Variants in PIK3CA observed in about 807,000 individuals in gnomAD.
PIK3CA encodes phosphatidylinositol 4,5-bisphosphate 3-kinase catalytic subunit alpha isoform.
PIK3CA carries 27 observed loss-of-function variants against 138.2 expected under a neutral mutation model. That is an observed-to-expected ratio of 0.20 (90% confidence interval 0.14 to 0.27). PIK3CA has a LOEUF of 0.27. PIK3CA is among the 10% of genes least tolerant of loss of function. The pLI, the probability that PIK3CA is intolerant of heterozygous loss-of-function variation, is 1.00. For synonymous variants in PIK3CA, 358 were observed against 413.2 expected (o/e 0.87, Z 1.62); for missense variants, 544 against 1,277.4 (o/e 0.43, Z 8.75).
chr3:179,225,913 A>C (rs764277338), intron 16 of PIK3CA, 49 bp from the exon 17 acceptor site: 1 of 938,068 alleles, frequency 1.1e-6, no homozygotes, highest in South Asian at 1.4e-5. Flanking sequence ...GTGATCCCCA[A>C]ATTTGCATCT....
rs1466676347 is a variant in PIK3CA at position 179,178,430 on chromosome 3, T to G, written c.-76-20320T>G. 4.6e-5 allele frequency among the ~76,000 whole-genome samples: 7 copies of G among 151,966 alleles called. 1 individual carries two copies. In the East Asian group the frequency reaches 9.7e-4, roughly 21 times the overall value. On this transcript the variant is annotated intron_variant, in intron 1 of 20. Coordinates refer to ENST00000263967, the MANE Select transcript of PIK3CA (RefSeq NM_006218.4). ...TTATTAGTCATCAGTAAATGCAAAT[T>G]AAAACCATGATAAGATACCACTACA...
chr3:179,208,782 A>G (rs1471444939), intron 6 of PIK3CA, among the ~76,000 whole-genome samples: 1 of 151,754 alleles, frequency 6.6e-6, no homozygotes, highest in Non-Finnish European at 1.5e-5. Flanking sequence ...GTGAAGTTTC[A>G]TTACCTTTTA....
At chr3:179,197,457 T>A (rs1724295507) in intron 1 of PIK3CA, among the ~76,000 whole-genome samples, 1 of 152,250 alleles carries the variant, frequency 6.6e-6, no homozygotes, top group South Asian at 2.1e-4. Context: ...GCATTTATTC[T>A]GTTTTGTAAG....
chr3:179,201,365 A>C lies in PIK3CA; in HGVS notation c.638A>C (p.His213Pro). 6.2e-7 allele frequency: 1 copy of C among 1,613,704 alleles called. No individual in the cohort carries two copies. Among genetic ancestry groups the C allele is most frequent in the Non-Finnish European group, 8.5e-7 (1 of 1,179,740 alleles). The change falls in exon 4 of 21, where the codon CAT becomes CCT. Residue 213 changes from histidine (H) to proline (P), a missense_variant. His to Pro is a moderately conservative substitution (Grantham distance 77). Transcript: ENST00000263967. ...CAGAAGTATACTCTGAAAATCAACC[A>C]TGACTGTGTACCAGAACAAGTAATT... Reference protein sequence around the residue: ...DKQKYTLKINHDCVPEQVIAE... With the variant: ...DKQKYTLKINPDCVPEQVIAE...
rs957327249 is a variant in PIK3CA, at chr3:179,148,619, A to C, written c.-77+16A>C. 5 of 152,186 alleles carry C rather than the reference A, an allele frequency of 3.3e-5. No homozygotes were observed. Among genetic ancestry groups the C allele is most frequent in the African/African-American group, 1.2e-4 (5 of 41,330 alleles). 9.4% of individuals were successfully genotyped at this position (152,186 alleles called of 1,614,324 possible). On this transcript the variant is annotated intron_variant, in intron 1 of 20. Coordinates refer to ENST00000263967, the MANE Select transcript of PIK3CA (RefSeq NM_006218.4). ...AGCCCCGAGCGTGAGTAGAGCGCGG[A>C]CTGGCCGGTAGCGGGTGCGGTGGGA... is the stretch of plus-strand genomic sequence containing the variant.
intron 9 of PIK3CA, among the ~76,000 whole-genome samples, chr3:179,215,886 G>A (rs911325539): frequency 3.3e-5 from 5 of 152,168 alleles, no homozygotes; most frequent in Non-Finnish European, 7.4e-5. Flanking sequence ...CCCAACCTCA[G>A]CACTATTGAC....
intron 9 of PIK3CA, among the ~76,000 whole-genome samples, chr3:179,217,346 C>A (rs899784270): frequency 6.6e-6 from 1 of 152,042 alleles, no homozygotes; most frequent in African/African-American, 2.4e-5. Context: ...AGTGCAGGGT[C>A]TTTTACTATT....
chr3:179,205,496 A>C (rs1404844598), intron 6 of PIK3CA, among the ~76,000 whole-genome samples: 1 of 152,278 alleles, frequency 6.6e-6, no homozygotes, highest in Admixed American at 6.5e-5. Context: ...CATGAAGGAG[A>C]AGTAAGAGTT....
chr3:179,155,904 G>T (rs750938871), intron 1 of PIK3CA, among the ~76,000 whole-genome samples: 1 of 152,140 alleles, frequency 6.6e-6, no homozygotes, highest in African/African-American at 2.4e-5. Context: ...CAGAAAACAC[G>T]GTTTTTCCAT....
chr3:179,183,708 A>G (rs1332961607), intron 1 of PIK3CA, among the ~76,000 whole-genome samples: 1 of 152,246 alleles, frequency 6.6e-6, no homozygotes, highest in African/African-American at 2.4e-5. Context: ...AAATCAGTCC[A>G]AGGACATAGG....
At chr3:179,190,103 TTAG>T (rs1724090158) in intron 1 of PIK3CA, among the ~76,000 whole-genome samples, 1 of 152,210 alleles carries the variant, frequency 6.6e-6, no homozygotes, top group African/African-American at 2.4e-5. Flanking sequence ...ATTACGCTTC[TTAG>T]CCCTCAAATC....
intron 1 of PIK3CA, among the ~76,000 whole-genome samples, chr3:179,153,061 A>T (rs534365773): frequency 6.6e-6 from 1 of 152,124 alleles, no homozygotes; most frequent in African/African-American, 2.4e-5. Context: ...GATTTTGGTG[A>T]AGTCTCTGTT....
rs1725275159 is a variant in PIK3CA at position 179,234,007 on chromosome 3, T to C, written c.2937-87T>C. 1 of 868,074 alleles carries C rather than the reference T, an allele frequency of 1.2e-6. No individual in the cohort carries two copies. The highest frequency in any genetic ancestry group is 2.4e-5 in the Admixed American group (1 of 41,052). The allele number at this position is 868,074 out of a possible 1,614,324, so 53.8% of individuals were successfully genotyped here. On this transcript the variant is annotated intron_variant, in intron 20 of 20. Coordinates refer to ENST00000263967, the MANE Select transcript of PIK3CA (RefSeq NM_006218.4). This position sits in a 1 kb window ranked among gnomAD's most constrained non-coding sequence, Gnocchi z 5.1. ...TTTTATAGCTTTGTCTACGAAAGCC[T>C]CTCTAATTTTGTGACATTTGAGCAA...
intron 6 of PIK3CA, among the ~76,000 whole-genome samples, chr3:179,205,020 C>CAAAAAAAAAAAAAAAAAAA (rs574908621): frequency 1.9e-5 from 1 of 53,348 alleles, no homozygotes; most frequent in Non-Finnish European, 3.5e-5. Context: ...GACTCCGTCT[C>CAAAAAAAAAAAAAAAAAAA]AAAAAAAAAA....
chr3:179,217,683 T>C (rs1724868437), intron 9 of PIK3CA, among the ~76,000 whole-genome samples: 1 of 152,092 alleles, frequency 6.6e-6, no homozygotes, highest in African/African-American at 2.4e-5. Context: ...TTTTCTAATA[T>C]TCAGGATACA....
chr3:179,221,691 G>A (rs745729122), intron 14 of PIK3CA, among the ~76,000 whole-genome samples: 9 of 128,654 alleles, frequency 7.0e-5, no homozygotes, highest in Non-Finnish European at 1.3e-4. Context: ...GAAATACAAT[G>A]TAAACTTTTT....
intron 6 of PIK3CA, among the ~76,000 whole-genome samples, chr3:179,208,774 GAAGTTTCATTACCTTTTATA>G (rs536562932): frequency 2.3e-4 from 35 of 151,836 alleles, no homozygotes; most frequent in Admixed American, 2.1e-3. Flanking sequence ...TTATGAATGT[GAAGTTTCATTACCTTTTATA>G]AAATAATTAT....
chr3:179,239,881 C>A lies in PIK3CA; in HGVS notation c.*5517C>A. ...ATGATGGCCCAGAAAGCATTTGACACAGCAAGATGCATGTGTTACTATATT... is the reference window on the plus strand; with the variant it reads ...ATGATGGCCCAGAAAGCATTTGACAAAGCAAGATGCATGTGTTACTATATT... On this transcript the variant is annotated 3_prime_UTR_variant, in exon 21 of 21. Coordinates refer to ENST00000263967, the MANE Select transcript of PIK3CA (RefSeq NM_006218.4). 2 of 626,964 alleles carry A rather than the reference C, an allele frequency of 3.2e-6. No homozygotes were observed. Among genetic ancestry groups the A allele is most frequent in the Non-Finnish European group, 5.4e-6 (2 of 369,920 alleles). 38.8% of individuals were successfully genotyped at this position (626,964 alleles called of 1,614,324 possible).
intron 1 of PIK3CA, among the ~76,000 whole-genome samples, chr3:179,197,548 C>CT (rs1724300256): frequency 6.6e-6 from 1 of 152,230 alleles, no homozygotes; most frequent in Non-Finnish European, 1.5e-5. Context: ...AGGGCCATGT[C>CT]TATCTTATTC....
Sources: gnomAD v4.1 joint callset for allele counts (sites outside exome capture counted in the v4.1 genomes callset) on GRCh38, gnomAD v4.1.1 for gene constraint, Gnocchi (gnomAD v3.1) non-coding constraint, MANE v1.5 for transcripts, NCBI Gene and HGNC (gene_info 2026-07-23, HGNC 2026-07-21) for gene names.